Variants in NWD2 observed in about 807,000 individuals in gnomAD.
NWD2 encodes the protein NACHT and WD repeat domain containing 2.
In NWD2, 37 loss-of-function variants were observed where a neutral mutation model predicts 132.7. The observed-to-expected ratio is 0.28, with a 90% CI of 0.21 to 0.37. The LOEUF (loss-of-function observed/expected upper bound fraction) is 0.37. Among genes scored for constraint, NWD2 ranks in the 10% least tolerant of loss-of-function variants. NWD2 has a pLI of 1.00. For missense variants in NWD2, 1,592 were observed against 2,122.4 expected (o/e 0.75, Z 4.91); for synonymous variants, 705 against 803.0 (o/e 0.88, Z 2.06).
chr4:37,299,794 GA>G (rs1560388677), intron 1 of NWD2, among the ~76,000 whole-genome samples: 3 of 152,124 alleles, frequency 2.0e-5, no homozygotes, highest in Non-Finnish European at 4.4e-5. Context: ...CTTGTAAACT[GA>G]AATGTATGAT....
At chr4:37,358,635 TCA>T (rs1719917323) in intron 3 of NWD2, among the ~76,000 whole-genome samples, 1 of 152,166 alleles carries the variant, frequency 6.6e-6, no homozygotes, top group Non-Finnish European at 1.5e-5. Flanking sequence ...ATTCTAAGCC[TCA>T]GTTTTTTGTC....
At chr4:37,393,620 T>C (rs1720722430) in intron 3 of NWD2, among the ~76,000 whole-genome samples, 1 of 152,222 alleles carries the variant, frequency 6.6e-6, no homozygotes. Flanking sequence ...TTTTAATCTT[T>C]CTTTCCAAAT....
At chr4:37,356,248 C>A (rs940885449) in intron 2 of NWD2, 118 bp from the exon 3 acceptor site, 54 of 511,064 alleles carry the variant, frequency 1.1e-4, no homozygotes, top group Non-Finnish European at 1.6e-4. Context: ...AAAATCACTT[C>A]CCCTCTGTAA....
At chr4:37,378,789 C>A (rs1720398029) in intron 3 of NWD2, among the ~76,000 whole-genome samples, 1 of 151,544 alleles carries the variant, frequency 6.6e-6, no homozygotes, top group Non-Finnish European at 1.5e-5. Context: ...CTGGGCTCAA[C>A]AACAGATTTC....
chr4:37,438,290 G>A (rs1354329835), intron 5 of NWD2, among the ~76,000 whole-genome samples: 4 of 151,808 alleles, frequency 2.6e-5, no homozygotes, highest in African/African-American at 9.7e-5. Context: ...AAAAAAATTT[G>A]CTTTTATATT....
At chr4:37,378,083 T>C (rs555306324) in intron 3 of NWD2, among the ~76,000 whole-genome samples, 3 of 152,234 alleles carry the variant, frequency 2.0e-5, no homozygotes, top group Admixed American at 1.3e-4. Flanking sequence ...AATTAAAAAA[T>C]GGATTTCTAA....
intron 3 of NWD2, among the ~76,000 whole-genome samples, chr4:37,364,291 C>T (rs1016176984): frequency 6.6e-6 from 1 of 152,206 alleles, no homozygotes; most frequent in Non-Finnish European, 1.5e-5. Flanking sequence ...TACAGTTCCT[C>T]AATCCGTAGT....
chr4:37,441,852 A>C (rs1424383757), intron 6 of NWD2, among the ~76,000 whole-genome samples: 1 of 152,120 alleles, frequency 6.6e-6, no homozygotes, highest in Admixed American at 6.5e-5. Flanking sequence ...TTTTTATCTC[A>C]TGTGTCACCC....
intron 3 of NWD2, among the ~76,000 whole-genome samples, chr4:37,425,306 C>G (rs1397950298): frequency 6.6e-6 from 1 of 152,190 alleles, no homozygotes; most frequent in African/African-American, 2.4e-5. Context: ...GCAGAAACTA[C>G]ATAAAAGTCT....
intron 3 of NWD2, among the ~76,000 whole-genome samples, chr4:37,409,729 G>A (rs1721117789): frequency 6.6e-6 from 1 of 152,050 alleles, no homozygotes; most frequent in Non-Finnish European, 1.5e-5. Context: ...TTGAAATGAA[G>A]GAAAAAATGT....
Position 37,445,091 on chromosome 4 carries a change from A to G in NWD2, c.3103A>G (p.Ile1035Val). ...VVATTNNTLL[I>V]YDNVNSCLLS... The stretch of plus-strand genomic sequence containing the variant: ...GGCTACAACAAATAACACCTTGTTG[A>G]TTTATGACAATGTCAATTCTTGCCT... The change falls in exon 7 of 7, where the codon ATT becomes GTT. Residue 1035 changes from isoleucine to valine, a missense_variant. Ile to Val is a conservative substitution (Grantham distance 29, BLOSUM62 3). Coordinates refer to ENST00000309447, the MANE Select transcript of NWD2 (RefSeq NM_001144990.2). The surrounding 1 kb of genome is among the most constrained non-coding windows in gnomAD (Gnocchi z 4.7). 12 of 1,551,810 alleles carry G rather than the reference A, an allele frequency of 7.7e-6. No homozygotes were observed. Among genetic ancestry groups the G allele is most frequent in the Non-Finnish European group, 1.0e-5 (12 of 1,147,020 alleles).
At chr4:37,385,139 A>G (rs1014525042) in intron 3 of NWD2, among the ~76,000 whole-genome samples, 40 of 152,140 alleles carry the variant, frequency 2.6e-4, no homozygotes, top group African/African-American at 9.7e-4. Context: ...AGATTAAAAC[A>G]CATGACCGAT....
intron 1 of NWD2, among the ~76,000 whole-genome samples, chr4:37,250,349 A>G (rs1717333675): frequency 6.6e-6 from 1 of 152,170 alleles, no homozygotes; most frequent in Admixed American, 6.5e-5. Flanking sequence ...TCAAGTGGAG[A>G]AATTATTAGA....
At chr4:37,390,660 A>C (rs1237942594) in intron 3 of NWD2, among the ~76,000 whole-genome samples, 6 of 152,158 alleles carry the variant, frequency 3.9e-5, no homozygotes, top group Non-Finnish European at 8.8e-5. Flanking sequence ...TAAATCCATC[A>C]AAAATTAGAG....
rs1346987926 is a variant in NWD2, at chr4:37,448,009, AAAG to A, written c.*797_*799del. On this transcript the variant is annotated 3_prime_UTR_variant, in exon 7 of 7. Transcript: ENST00000309447. ...TGAAATGCATATTTGTGCTGGGTGT[AAAG>A]AAGATTACAGGAAGGGCATTACAAA... The A allele has an allele frequency of 6.6e-6, 1 of 152,242 alleles. No homozygotes were observed. Among genetic ancestry groups the A allele is most frequent in the South Asian group, 2.1e-4 (1 of 4,836 alleles). 9.4% of individuals were successfully genotyped at this position (152,242 alleles called of 1,614,324 possible). A position where few individuals can be genotyped will look rare whatever the true frequency, so the allele number is the denominator to read the frequency against.
intron 1 of NWD2, among the ~76,000 whole-genome samples, chr4:37,290,704 T>A (rs1718341350): frequency 6.6e-6 from 1 of 152,158 alleles, no homozygotes; most frequent in African/African-American, 2.4e-5. Flanking sequence ...CAAAGAGGGA[T>A]GCAGTAAAAG....
intron 3 of NWD2, among the ~76,000 whole-genome samples, chr4:37,380,505 T>G (rs992978856): frequency 3.3e-5 from 5 of 152,242 alleles, no homozygotes; most frequent in Non-Finnish European, 5.9e-5. Context: ...CTATACAATT[T>G]TTATGAAGAT....
At chr4:37,280,732 G>A (rs1173650761) in intron 1 of NWD2, among the ~76,000 whole-genome samples, 3 of 152,134 alleles carry the variant, frequency 2.0e-5, no homozygotes, top group Admixed American at 6.6e-5. Context: ...GCAAGGGATA[G>A]TACAGCACCC....
intron 1 of NWD2, among the ~76,000 whole-genome samples, chr4:37,269,803 A>T (rs1393546143): frequency 1.3e-5 from 2 of 151,814 alleles, no homozygotes; most frequent in African/African-American, 4.8e-5. Context: ...TGCTCTCATG[A>T]ATTAAGCTGT....
Sources: gnomAD v4.1 joint callset for allele counts (sites outside exome capture counted in the v4.1 genomes callset) on GRCh38, gnomAD v4.1.1 for gene constraint, Gnocchi (gnomAD v3.1) non-coding constraint, MANE v1.5 for transcripts, NCBI Gene and HGNC (gene_info 2026-07-23, HGNC 2026-07-21) for gene names.